Variants in COBL observed in about 807,000 individuals in gnomAD.
COBL encodes protein cordon-bleu.
Under a neutral mutation model 98.8 loss-of-function variants are expected in COBL, and 51 were observed. The ratio of observed to expected loss-of-function variants is 0.52; its 90% CI spans 0.41 to 0.65. The LOEUF is 0.65. Among genes scored for constraint, COBL ranks in the 30% least tolerant of loss-of-function variants. The probability of loss-of-function intolerance (pLI) is 0.00; values close to 1 mark genes in which losing one functional copy is unlikely to be tolerated. For synonymous variants in COBL, 634 were observed against 651.7 expected (o/e 0.97, Z 0.41); for missense variants, 1,617 against 1,617.5 (o/e 1.00, Z 0.01).
intron 1 of COBL, among the ~76,000 whole-genome samples, chr7:51,279,001 C>T (rs1799570985): frequency 6.6e-6 from 1 of 152,338 alleles, no homozygotes; most frequent in East Asian, 1.9e-4. Context: ...AAGACACTTG[C>T]AGTCCTGTAA....
intron 7 of COBL, chr7:51,073,045 T>C (rs1165459030): frequency 3.8e-6 from 1 of 265,568 alleles, no homozygotes; most frequent in Non-Finnish European, 7.0e-6. Context: ...CATGAATTAA[T>C]AATGAATTAA....
intron 6 of COBL, among the ~76,000 whole-genome samples, chr7:51,095,647 T>C (rs566893372): frequency 1.3e-5 from 2 of 152,142 alleles, no homozygotes; most frequent in South Asian, 4.2e-4. Flanking sequence ...CTACAAAAGA[T>C]TCACTCTGGA....
chr7:51,257,954 C>T (rs1437841534), intron 1 of COBL, among the ~76,000 whole-genome samples: 1 of 152,108 alleles, frequency 6.6e-6, no homozygotes. Flanking sequence ...AACTTTAAAG[C>T]TAAGCTTTAA....
chr7:51,313,390 G>A (rs1803242917), intron 1 of COBL, among the ~76,000 whole-genome samples: 1 of 152,082 alleles, frequency 6.6e-6, no homozygotes, highest in Non-Finnish European at 1.5e-5. Context: ...TACCCACTTC[G>A]ATTAATTTTT....
chr7:51,025,024 GCCCACAGGCA>G, intron 12 of COBL, 75 bp downstream of exon 12: 1 of 1,580,404 alleles, frequency 6.3e-7, no homozygotes, highest in South Asian at 1.1e-5. Flanking sequence ...CGCAGCTCCT[GCCCACAGGCA>G]AGCGTGTCCC....
At chr7:51,143,002 A>G (rs1164519326) in intron 5 of COBL, among the ~76,000 whole-genome samples, 1 of 152,110 alleles carries the variant, frequency 6.6e-6, no homozygotes, top group Non-Finnish European at 1.5e-5. Context: ...GCATGGTGCA[A>G]ACTTCATCAG....
intron 5 of COBL, among the ~76,000 whole-genome samples, chr7:51,181,579 G>A (rs1388607348): frequency 3.3e-5 from 5 of 152,248 alleles, no homozygotes; most frequent in African/African-American, 9.6e-5. Flanking sequence ...TTGTAACTAC[G>A]GCTGAATGGA....
chr7:51,034,408 C>T (rs925702983), intron 8 of COBL: 16 of 152,248 alleles, frequency 1.1e-4, no homozygotes, highest in African/African-American at 3.6e-4. Context: ...GAGCAGCCTG[C>T]TCTTCTTTTG....
chr7:51,156,261 T>G (rs1786122338), intron 5 of COBL: 2 of 984,924 alleles, frequency 2.0e-6, no homozygotes, highest in Non-Finnish European at 2.4e-6. Flanking sequence ...ACCCTTTTAT[T>G]TTTCTTGTTG....
chr7:51,156,547 G>T, intron 5 of COBL: 1 of 985,012 alleles, frequency 1.0e-6, no homozygotes, highest in Non-Finnish European at 1.2e-6. Context: ...ATATCATCTC[G>T]GATGGCAAAC....
At chr7:51,213,310 C>T (rs1420208564) in intron 2 of COBL, among the ~76,000 whole-genome samples, 1 of 152,202 alleles carries the variant, frequency 6.6e-6, no homozygotes, top group African/African-American at 2.4e-5. Flanking sequence ...AAGCATTTCC[C>T]CCTGAGCTCC....
At chr7:51,074,061 G>T (rs535511818) in intron 7 of COBL, among the ~76,000 whole-genome samples, 2 of 152,210 alleles carry the variant, frequency 1.3e-5, no homozygotes, top group African/African-American at 2.4e-5. Flanking sequence ...TTAAAATAAA[G>T]AAGGGCCATG....
At chr7:51,313,140 T>C (rs1156565547) in intron 1 of COBL, among the ~76,000 whole-genome samples, 1 of 152,236 alleles carries the variant, frequency 6.6e-6, no homozygotes, top group African/African-American at 2.4e-5. Context: ...TAACAGTTCA[T>C]TATACATGCT....
intron 1 of COBL, among the ~76,000 whole-genome samples, chr7:51,285,469 T>C (rs772906422): frequency 3.3e-5 from 5 of 151,630 alleles, no homozygotes; most frequent in South Asian, 2.1e-4. Flanking sequence ...AAATCAAGTA[T>C]ATTTCTATAC....
intron 1 of COBL, among the ~76,000 whole-genome samples, chr7:51,294,597 C>A (rs996759549): frequency 1.4e-5 from 2 of 147,334 alleles, no homozygotes; most frequent in African/African-American, 5.1e-5. Context: ...GAGCTGAGAT[C>A]GCACCATTGC....
At position 51,028,525 on chromosome 7, in the gene COBL, G is replaced by C; in HGVS notation, c.2571C>G (p.Leu857=). Reference sequence around the variant, plus strand: ...GGCTGGACGTTCTTCTCTGAGGCTTGAGAAATGTGACTTCTGTGGTGTGAG... The same window carrying C: ...GGCTGGACGTTCTTCTCTGAGGCTTCAGAAATGTGACTTCTGTGGTGTGAG... The part of the protein sequence containing the change: ...PAAHTTEVTF[L]KPQRRTSSQY... The change falls in exon 10 of 13, where the codon CTC becomes CTG. Residue 857 remains leucine, a synonymous_variant. Coordinates refer to ENST00000265136, the MANE Select transcript of COBL (RefSeq NM_015198.5). 3 of 1,614,270 alleles carry C rather than the reference G, an allele frequency of 1.9e-6. No individual in the cohort carries two copies. Among genetic ancestry groups the C allele is most frequent in the Non-Finnish European group, 2.5e-6 (3 of 1,180,060 alleles).
intron 2 of COBL, among the ~76,000 whole-genome samples, chr7:51,207,810 C>G (rs1186233860): frequency 1.3e-5 from 2 of 152,236 alleles, no homozygotes; most frequent in African/African-American, 4.8e-5. Context: ...CCTGCCTTGG[C>G]CTCCCAAAGT....
At chr7:51,134,097 T>G (rs539971111) in intron 6 of COBL, among the ~76,000 whole-genome samples, 90 of 152,334 alleles carry the variant, frequency 5.9e-4, no homozygotes, top group African/African-American at 2.1e-3. Flanking sequence ...AACAAACATC[T>G]TATCTTTATA....
chr7:51,192,669 T>C (rs745509681), intron 3 of COBL, among the ~76,000 whole-genome samples: 12 of 152,232 alleles, frequency 7.9e-5, no homozygotes, highest in Non-Finnish European at 1.8e-4. Context: ...TTTTAATTAA[T>C]AAACAAAAGC....
Sources: gnomAD v4.1 joint callset for allele counts (sites outside exome capture counted in the v4.1 genomes callset) on GRCh38, gnomAD v4.1.1 for gene constraint, MANE v1.5 for transcripts, NCBI Gene and HGNC (gene_info 2026-07-23, HGNC 2026-07-21) for gene names.